The following MCC variants were observed in gnomAD, a reference collection of about 807,000 sequenced individuals.
MCC encodes colorectal mutant cancer protein.
In MCC, 90 loss-of-function variants were observed where a neutral mutation model predicts 116.2. That is an observed-to-expected ratio of 0.77 (90% CI 0.65 to 0.92). MCC has a LOEUF of 0.92. Ranked by LOEUF, MCC falls within the 40% of genes least tolerant of loss-of-function variation. The pLI is 0.00. For missense variants in MCC, 1,516 were observed against 1,312.2 expected, an observed-to-expected ratio of 1.16 and a Z score of -2.40; for synonymous variants, 578 against 510.5, an observed-to-expected ratio of 1.13 and a Z score of -1.78.
intron 3 of MCC, among the ~76,000 whole-genome samples, chr5:113,242,835 G>A (rs556864297): frequency 8.5e-5 from 13 of 152,262 alleles, no homozygotes; most frequent in African/African-American, 3.1e-4. Flanking sequence ...TGGAAATCGA[G>A]AAAGCAAAGC....
At chr5:113,130,311 G>A (rs934245041) in intron 5 of MCC, among the ~76,000 whole-genome samples, 1 of 152,028 alleles carries the variant, frequency 6.6e-6, no homozygotes, top group Non-Finnish European at 1.5e-5. Flanking sequence ...ACAGGGAGGG[G>A]AACATCACAC....
At chr5:113,186,626 T>C (rs145553178) in intron 3 of MCC, among the ~76,000 whole-genome samples, 5 of 152,274 alleles carry the variant, frequency 3.3e-5, no homozygotes, top group Admixed American at 2.6e-4. Flanking sequence ...AATATTTTTA[T>C]ATTTAAGATC....
chr5:113,072,385 T>A (rs1024063403), intron 11 of MCC, among the ~76,000 whole-genome samples: 7 of 152,200 alleles, frequency 4.6e-5, no homozygotes, highest in African/African-American at 1.7e-4. Flanking sequence ...CTGCCCCTGT[T>A]CACATTAAGA....
chr5:113,163,326 T>C (rs1760599634), intron 3 of MCC, among the ~76,000 whole-genome samples: 1 of 152,176 alleles, frequency 6.6e-6, no homozygotes. Flanking sequence ...TTTGAATAAA[T>C]TGTGTGGCAG....
At chr5:113,096,149 G>A (rs947340549) in intron 8 of MCC, among the ~76,000 whole-genome samples, 1 of 152,222 alleles carries the variant, frequency 6.6e-6, no homozygotes, top group Admixed American at 6.5e-5. Flanking sequence ...TACATGGTGG[G>A]CCCAGGAGGA....
intron 3 of MCC, among the ~76,000 whole-genome samples, chr5:113,220,328 G>A (rs1763502237): frequency 6.6e-6 from 1 of 151,678 alleles, no homozygotes; most frequent in African/African-American, 2.4e-5. Flanking sequence ...TAAAGTGCTG[G>A]GATTTCAGGC....
intron 3 of MCC, among the ~76,000 whole-genome samples, chr5:113,243,935 GA>G (rs1454705375): frequency 6.6e-6 from 1 of 152,194 alleles, no homozygotes; most frequent in East Asian, 1.9e-4. Context: ...CACCCGGCTT[GA>G]GCCAGATTCA....
chr5:113,437,731 T>C (rs1770903477), intron 1 of MCC, among the ~76,000 whole-genome samples: 3 of 152,226 alleles, frequency 2.0e-5, no homozygotes, highest in African/African-American at 7.2e-5. Context: ...GTCTTTTGAT[T>C]CTTTAGATGC....
intron 1 of MCC, chr5:113,435,063 G>C (rs1770809177): frequency 1.8e-6 from 1 of 541,754 alleles, no homozygotes; most frequent in Non-Finnish European, 3.3e-6. Context: ...GGGGGAATGA[G>C]ACCCTGGCCT....
At chr5:113,409,758 C>A (rs1769929103) in intron 1 of MCC, among the ~76,000 whole-genome samples, 1 of 152,172 alleles carries the variant, frequency 6.6e-6, no homozygotes, top group South Asian at 2.1e-4. Context: ...TCCCACCCCA[C>A]TCCAATACTA....
intron 1 of MCC, among the ~76,000 whole-genome samples, chr5:113,485,757 C>G (rs1193490445): frequency 6.6e-6 from 1 of 152,128 alleles, no homozygotes; most frequent in Non-Finnish European, 1.5e-5. Flanking sequence ...GGTGACAAAG[C>G]CAACCCTTAC....
At chr5:113,058,186 C>T (rs1752970877) in intron 14 of MCC, among the ~76,000 whole-genome samples, 1 of 152,218 alleles carries the variant, frequency 6.6e-6, no homozygotes, top group African/African-American at 2.4e-5. Context: ...ACTTGAAACA[C>T]TTTTTGTTGA....
chr5:113,206,575 G>A (rs369688279), intron 3 of MCC, among the ~76,000 whole-genome samples: 1 of 152,088 alleles, frequency 6.6e-6, no homozygotes, highest in East Asian at 1.9e-4. Flanking sequence ...CAGGCATGGT[G>A]GTTCATGCCT....
At chr5:113,287,431 C>T (rs568679894) in intron 3 of MCC, among the ~76,000 whole-genome samples, 31 of 152,078 alleles carry the variant, frequency 2.0e-4, no homozygotes, top group Non-Finnish European at 2.6e-4. Context: ...TGGGTTCAAG[C>T]GATTCTCTGC....
chr5:113,054,841 G>T (rs1025448029), intron 14 of MCC, among the ~76,000 whole-genome samples: 1 of 152,192 alleles, frequency 6.6e-6, no homozygotes, highest in Non-Finnish European at 1.5e-5. Flanking sequence ...ACCATGAAAG[G>T]GGGAGCACCA....
chr5:113,358,089 C>A (rs1023695627), intron 2 of MCC, among the ~76,000 whole-genome samples: 1 of 152,200 alleles, frequency 6.6e-6, no homozygotes, highest in Non-Finnish European at 1.5e-5. Context: ...ACTGACATTG[C>A]TGCAGACCCA....
At chr5:113,468,878 C>A (rs62371903) in intron 1 of MCC, among the ~76,000 whole-genome samples, 55,567 of 151,772 alleles carry the variant, frequency 0.37, 12,725 homozygotes, top group East Asian at 0.69. Context: ...TTGGTCTATT[C>A]AGAGATTCAA....
chr5:113,412,782 G>T (rs886477472), intron 1 of MCC, among the ~76,000 whole-genome samples: 2 of 152,144 alleles, frequency 1.3e-5, no homozygotes, highest in Non-Finnish European at 2.9e-5. Context: ...TTGCCTGACT[G>T]CCCTGGCCAG....
intron 2 of MCC, among the ~76,000 whole-genome samples, chr5:113,344,711 G>T (rs1349468390): frequency 1.3e-5 from 2 of 151,884 alleles, no homozygotes; most frequent in Non-Finnish European, 2.9e-5. Context: ...TGCCTTGAAG[G>T]AAAAGACCCA....
Sources: allele counts gnomAD v4.1 joint callset (sites outside exome capture counted in the v4.1 genomes callset), GRCh38; gene constraint gnomAD v4.1.1; transcripts MANE v1.5; gene names NCBI Gene and HGNC (gene_info 2026-07-23, HGNC 2026-07-21).